Variants in ANKRD17 observed in about 807,000 individuals in gnomAD.
The protein encoded by ANKRD17 is ankyrin repeat domain-containing protein 17.
ANKRD17 carries 19 observed loss-of-function variants against 229.7 expected under a neutral mutation model. The ratio of observed to expected loss-of-function variants is 0.08; its 90% CI spans 0.06 to 0.12. ANKRD17 has a LOEUF of 0.12. Among genes scored for constraint, ANKRD17 ranks in the 10% least tolerant of loss-of-function variants. ANKRD17 has a pLI of 1.00. For missense variants in ANKRD17, 2,176 were observed against 3,176.8 expected, an observed-to-expected ratio of 0.68 and a Z score of 7.57; for synonymous variants, 1,112 against 1,146.1, an observed-to-expected ratio of 0.97 and a Z score of 0.60.
intron 1 of ANKRD17, among the ~76,000 whole-genome samples, chr4:73,208,330 G>T (rs1739793558): frequency 6.6e-6 from 1 of 151,774 alleles, no homozygotes; most frequent in East Asian, 1.9e-4. Flanking sequence ...CATATTCTGG[G>T]GCATAAAACA....
chr4:73,117,837 C>A (rs192618938), intron 22 of ANKRD17, among the ~76,000 whole-genome samples: 1 of 152,206 alleles, frequency 6.6e-6, no homozygotes, highest in African/African-American at 2.4e-5. Flanking sequence ...ACCATTAAAT[C>A]AAATTACTTA....
intron 29 of ANKRD17, among the ~76,000 whole-genome samples, chr4:73,087,855 T>G (rs1426027230): frequency 1.4e-5 from 2 of 147,014 alleles, no homozygotes; most frequent in Admixed American, 6.9e-5. Context: ...AAAATAGAGA[T>G]AGGATAGAAA....
At chr4:73,174,075 GGCGAGGGAAGGGAGGGGA>G (rs1734394645) in intron 2 of ANKRD17, among the ~76,000 whole-genome samples, 1 of 110,644 alleles carries the variant, frequency 9.0e-6, no homozygotes, top group Non-Finnish European at 2.0e-5. Flanking sequence ...GGAGAAGGAA[GGCGAGGGAAGGGAGGGGA>G]GAAGGAAGGA....
intron 24 of ANKRD17, among the ~76,000 whole-genome samples, chr4:73,110,342 A>G (rs1453850862): frequency 1.3e-5 from 2 of 152,226 alleles, no homozygotes; most frequent in Non-Finnish European, 2.9e-5. Context: ...CCTTAACATA[A>G]TGGCCACTGA....
At position 73,140,084 on chromosome 4, in the gene ANKRD17, G is replaced by C; in HGVS notation, c.2532C>G (p.Thr844=). 6.2e-7 allele frequency: 1 copy of C among 1,614,080 alleles called. No homozygotes were observed. ...SLELAHADQL[T]KEKIEELNKT... ...TGTTGAGCTCCTCGATCTTCTCCTT[G>C]GTAAGTTGGTCAGCATGAGCCAGTT... Residue 844 remains threonine (T), a synonymous_variant, in exon 15 of 34, where the codon ACC becomes ACG. Transcript: ENST00000358602.
rs1724116949 is a variant in ANKRD17 at position 73,102,363 on chromosome 4, TAAG to T, written c.4573+10_4573+12del. On this transcript the variant is annotated intron_variant, in intron 25 of 33. Coordinates refer to ENST00000358602, the MANE Select transcript of ANKRD17 (RefSeq NM_032217.5). ...AATATAAAACAAATGGGATGGTTGTTAAGAGAAAATACCTTCAACTTTAAGCTT... is the reference window on the plus strand; with the variant it reads ...AATATAAAACAAATGGGATGGTTGTTAGAAAATACCTTCAACTTTAAGCTT... 1 of 1,574,500 alleles carries T rather than the reference TAAG, an allele frequency of 6.4e-7. No homozygotes were observed. The highest frequency in any genetic ancestry group is 1.4e-5 in the African/African-American group (1 of 72,244).
At chr4:73,166,424 T>C (rs868770112) in intron 2 of ANKRD17, among the ~76,000 whole-genome samples, 1 of 152,306 alleles carries the variant, frequency 6.6e-6, no homozygotes, top group Middle Eastern at 3.4e-3. Flanking sequence ...AAACTGGAAC[T>C]CTATACCTAG....
At chr4:73,192,568 T>G (rs759121924) in intron 1 of ANKRD17, among the ~76,000 whole-genome samples, 1 of 151,770 alleles carries the variant, frequency 6.6e-6, no homozygotes, top group Non-Finnish European at 1.5e-5. Context: ...AAAAAAAAAA[T>G]GCAGTTTTCT....
At chr4:73,153,767 T>A (rs1246768219) in intron 6 of ANKRD17, 113 bp downstream of exon 6, 1 of 694,480 alleles carries the variant, frequency 1.4e-6, no homozygotes, top group Non-Finnish European at 2.1e-6. Flanking sequence ...AACCTTTAAT[T>A]ACATACTATA....
At chr4:73,205,039 C>A (rs1313522918) in intron 1 of ANKRD17, among the ~76,000 whole-genome samples, 1 of 152,062 alleles carries the variant, frequency 6.6e-6, no homozygotes, top group Admixed American at 6.6e-5. Flanking sequence ...GCAGCCCAGG[C>A]AGGGTGGCTC....
intron 24 of ANKRD17, among the ~76,000 whole-genome samples, chr4:73,107,230 C>A (rs927906867): frequency 6.6e-6 from 1 of 152,034 alleles, no homozygotes; most frequent in Non-Finnish European, 1.5e-5. Flanking sequence ...GAATGGGAGG[C>A]AAAAATAATT....
chr4:73,191,341 A>ATGTGTG (rs71655741), intron 1 of ANKRD17, among the ~76,000 whole-genome samples: 21,794 of 125,038 alleles, frequency 0.17, 2,106 homozygotes, highest in Admixed American at 0.26. Context: ...AAAAATATAT[A>ATGTGTG]TGTGTGTGTG....
rs1560798439 is a variant in ANKRD17 at position 73,258,342 on chromosome 4, G to GCCGCCGCCACCTCCGCCT, written c.309_326dup (p.Gly105_Gly110dup). The GCCGCCGCCACCTCCGCCT allele has an allele frequency of 6.2e-7, 1 of 1,612,654 alleles. No homozygotes were observed. On this transcript the variant is annotated inframe_insertion, in exon 1 of 34. Transcript: ENST00000358602. ...CCTCGCTGTTGTTACTGCTGGTGCC[G>GCCGCCGCCACCTCCGCCT]CCGCCGCCACCTCCGCCTCCACCGC...
intron 21 of ANKRD17, among the ~76,000 whole-genome samples, chr4:73,119,562 G>A (rs1202196896): frequency 6.6e-6 from 1 of 152,126 alleles, no homozygotes; most frequent in African/African-American, 2.4e-5. Flanking sequence ...TCATTCAGTG[G>A]GCATGATGTA....
intron 16 of ANKRD17, among the ~76,000 whole-genome samples, chr4:73,132,796 T>C (rs1728391408): frequency 6.6e-6 from 1 of 152,166 alleles, no homozygotes; most frequent in Non-Finnish European, 1.5e-5. Flanking sequence ...ACTACAGTAA[T>C]TTCATATTCA....
chr4:73,079,202 C>T (rs1010520386), intron 30 of ANKRD17, among the ~76,000 whole-genome samples: 2 of 152,002 alleles, frequency 1.3e-5, no homozygotes, highest in Non-Finnish European at 2.9e-5. Flanking sequence ...AATTAAAAAA[C>T]AAACCAACAA....
chr4:73,142,524 G>C (rs1442523495), intron 12 of ANKRD17, 116 bp downstream of exon 12: 2 of 1,581,264 alleles, frequency 1.3e-6, no homozygotes, highest in South Asian at 1.1e-5. Flanking sequence ...AGTGAAAAAG[G>C]AGAAAATTTA....
intron 26 of ANKRD17, 88 bp downstream of exon 26, chr4:73,097,985 T>G: frequency 1.6e-6 from 2 of 1,285,352 alleles, no homozygotes; most frequent in South Asian, 3.1e-5. Flanking sequence ...TTTTGCAAGT[T>G]GCAAATTTAC....
intron 1 of ANKRD17, among the ~76,000 whole-genome samples, chr4:73,235,864 T>G (rs1026375726): frequency 3.3e-5 from 5 of 151,924 alleles, no homozygotes; most frequent in Non-Finnish European, 7.4e-5. Context: ...TTAAAATTTT[T>G]TCTTTTTTTT....
Sources: gnomAD v4.1 joint callset for allele counts (sites outside exome capture counted in the v4.1 genomes callset) on GRCh38, gnomAD v4.1.1 for gene constraint, MANE v1.5 for transcripts, NCBI Gene and HGNC (gene_info 2026-07-23, HGNC 2026-07-21) for gene names.